Variants in BCAS4 observed in about 807,000 individuals in gnomAD.
BCAS4 encodes the protein breast carcinoma-amplified sequence 4.
A neutral mutation model predicts 15.7 loss-of-function variants in BCAS4; 9 were observed. The ratio of observed to expected loss-of-function variants is 0.57; its 90% CI spans 0.34 to 1.00. The LOEUF (loss-of-function observed/expected upper bound fraction) is 1.00, where lower values mean the gene tolerates loss of function less well. Among genes scored for constraint, BCAS4 ranks in the 50% least tolerant of loss-of-function variants. The pLI, the probability that BCAS4 is intolerant of heterozygous loss-of-function variation, is 0.02. For missense variants in BCAS4, 225 were observed against 239.1 expected (o/e 0.94, Z 0.39); for synonymous variants, 101 against 99.5 (o/e 1.02, Z -0.09).
intron 2 of BCAS4, among the ~76,000 whole-genome samples, chr20:50,829,980 C>T (rs1207788801): frequency 6.6e-6 from 1 of 152,160 alleles, no homozygotes; most frequent in Non-Finnish European, 1.5e-5. Context: ...CCATTCGCTC[C>T]AGTTCAGTGG....
chr20:50,795,098 C>G lies in BCAS4; in HGVS notation c.15C>G (p.Asp5Glu). 1 of 1,504,516 alleles carries G rather than the reference C, an allele frequency of 6.6e-7. No individual in the cohort carries two copies. The highest frequency in any genetic ancestry group is 8.9e-7 in the Non-Finnish European group (1 of 1,127,808). 93.2% of individuals were successfully genotyped at this position (1,504,516 alleles called of 1,614,324 possible). The change falls in exon 1 of 5, where the codon GAC (aspartate) becomes GAG (glutamate). Residue 5 changes from aspartate to glutamate, a missense_variant. Asp to Glu is a conservative substitution (Grantham distance 45, BLOSUM62 2). Coordinates refer to ENST00000371608, the MANE Select transcript of BCAS4 (RefSeq NM_198799.4). MLLVDADQPEPMRSG... is the reference protein window; with the variant it reads MLLVEADQPEPMRSG... Reference sequence around the variant, plus strand: ...TCGCCCTCCTGATGCTGCTCGTGGACGCTGATCAGCCGGAGCCCATGCGCA... The same window carrying G: ...TCGCCCTCCTGATGCTGCTCGTGGAGGCTGATCAGCCGGAGCCCATGCGCA...
At chr20:50,797,179 A>G (rs1347939656) in intron 1 of BCAS4, among the ~76,000 whole-genome samples, 2 of 152,160 alleles carry the variant, frequency 1.3e-5, no homozygotes, top group Non-Finnish European at 2.9e-5. Context: ...TGCTGCTGTA[A>G]TACTGTCCTG....
rs560485337 is a variant in BCAS4 at position 50,858,453 on chromosome 20, T to C, written c.399+16553T>C. Among the ~76,000 whole-genome samples the C allele has an allele frequency of 3.8e-3, 581 of 151,586 alleles. 9 individuals are homozygous for C. Among genetic ancestry groups the C allele is most frequent in the Non-Finnish European group, 2.3e-3 (155 of 67,894 alleles). ...CCTGTCTGTACTAAAAATAGAAAAA[T>C]TAGCCGGGCATGGTGGCAAGCGCCT... On this transcript the variant is annotated intron_variant, in intron 4 of 4. Transcript: ENST00000371608.
At chr20:50,859,036 C>G (rs149585722) in intron 4 of BCAS4, among the ~76,000 whole-genome samples, 11,913 of 151,848 alleles carry the variant, frequency 0.078, 799 homozygotes, top group East Asian at 0.21. Context: ...TGGGCTCAAG[C>G]AATCCTCCCA....
At chr20:50,831,794 G>A (rs1033396115) in intron 3 of BCAS4, among the ~76,000 whole-genome samples, 3 of 152,124 alleles carry the variant, frequency 2.0e-5, no homozygotes, top group South Asian at 2.1e-4. Flanking sequence ...AGGAGCTTGC[G>A]GTTGTGTCAT....
rs546645160 is a variant in BCAS4, at chr20:50,834,378, C to T, written c.264+3998C>T. On this transcript the variant is annotated intron_variant, in intron 3 of 4. Coordinates refer to ENST00000371608, the MANE Select transcript of BCAS4 (RefSeq NM_198799.4). Reference sequence around the variant, plus strand: ...TGGCGGAATCTTGGCTCACTGCAACCTCTGCCTCCCAGGTTCGAGCGATTC... The same window carrying T: ...TGGCGGAATCTTGGCTCACTGCAACTTCTGCCTCCCAGGTTCGAGCGATTC... 3.3e-5 allele frequency among the ~76,000 whole-genome samples: 5 copies of T among 149,890 alleles called. No homozygotes were observed. In the East Asian group the frequency reaches 9.9e-4, roughly 30 times the overall value.
At chr20:50,845,805 C>G (rs1349581615) in intron 4 of BCAS4, among the ~76,000 whole-genome samples, 1 of 152,220 alleles carries the variant, frequency 6.6e-6, no homozygotes, top group African/African-American at 2.4e-5. Flanking sequence ...ATTGGGTGGC[C>G]CCACGGGAAT....
chr20:50,811,041 T>C (rs1009934816), intron 1 of BCAS4, among the ~76,000 whole-genome samples: 9 of 152,122 alleles, frequency 5.9e-5, no homozygotes, highest in African/African-American at 2.2e-4. Context: ...GAGAGACAAC[T>C]TTCACCAGTA....
chr20:50,799,114 A>G (rs866622422), intron 1 of BCAS4, among the ~76,000 whole-genome samples: 3 of 152,092 alleles, frequency 2.0e-5, no homozygotes, highest in African/African-American at 4.8e-5. Context: ...TCCTGAGTGC[A>G]TTTCTTGTTC....
At chr20:50,833,868 C>G (rs953353367) in intron 3 of BCAS4, among the ~76,000 whole-genome samples, 8 of 152,148 alleles carry the variant, frequency 5.3e-5, no homozygotes, top group Admixed American at 5.2e-4. Context: ...GGTGGGTCAG[C>G]CGCAAGAGCA....
chr20:50,820,397 G>A (rs1301128469), intron 2 of BCAS4, among the ~76,000 whole-genome samples: 2 of 152,174 alleles, frequency 1.3e-5, no homozygotes, highest in African/African-American at 4.8e-5. Flanking sequence ...ATGAATCTGG[G>A]GCTGTAAGGA....
At position 50,876,111 on chromosome 20, in the gene BCAS4, C is replaced by T. The variant is rs537304778; in HGVS notation, c.400-375C>T. The T allele has an allele frequency of 8.0e-5, 34 of 425,146 alleles. No homozygotes were observed. In the East Asian group the frequency reaches 1.7e-3, roughly 21 times the overall value. The allele number at this position is 425,146 out of a possible 1,614,324, so 26.3% of individuals were successfully genotyped here. A position where few individuals can be genotyped will look rare whatever the true frequency, so the allele number is the denominator to read the frequency against. On this transcript the variant is annotated intron_variant, in intron 4 of 4. Transcript: ENST00000371608. ...GATTACAGGTGCGCGCTACCATGCC[C>T]GGCTAATTTCTGTATTTTTAGTAGA... is the stretch of plus-strand genomic sequence containing the variant.
intron 4 of BCAS4, among the ~76,000 whole-genome samples, chr20:50,847,920 C>G (rs1018301603): frequency 6.6e-6 from 1 of 152,002 alleles, no homozygotes; most frequent in African/African-American, 2.4e-5. Context: ...TGGTGCATGC[C>G]TGTATTCCCA....
At chr20:50,796,481 A>G (rs1345576200) in intron 1 of BCAS4, among the ~76,000 whole-genome samples, 1 of 11,562 alleles carries the variant, frequency 8.6e-5, no homozygotes, top group African/African-American at 3.6e-4. Flanking sequence ...ATATATATAT[A>G]TATATATTTT....
At chr20:50,864,323 G>C (rs1256438339) in intron 4 of BCAS4, among the ~76,000 whole-genome samples, 1 of 152,014 alleles carries the variant, frequency 6.6e-6, no homozygotes, top group Non-Finnish European at 1.5e-5. Flanking sequence ...CTGAGTCTTA[G>C]TTTCCATGGC....
chr20:50,802,124 C>G (rs2087934904), intron 1 of BCAS4, among the ~76,000 whole-genome samples: 1 of 152,020 alleles, frequency 6.6e-6, no homozygotes, highest in African/African-American at 2.4e-5. Flanking sequence ...CGCTTGAGTG[C>G]AGAAGTTTGA....
At chr20:50,820,190 G>A (rs868370281) in intron 2 of BCAS4, among the ~76,000 whole-genome samples, 1 of 152,192 alleles carries the variant, frequency 6.6e-6, no homozygotes, top group South Asian at 2.1e-4. Context: ...ATAAACTTGA[G>A]TATGCAAAGA....
At chr20:50,849,855 A>T (rs1010397183) in intron 4 of BCAS4, among the ~76,000 whole-genome samples, 3 of 152,218 alleles carry the variant, frequency 2.0e-5, no homozygotes, top group Admixed American at 2.0e-4. Context: ...TGGCTGGAGC[A>T]GTGGCTCACA....
At chr20:50,834,487 G>T (rs2088383435) in intron 3 of BCAS4, among the ~76,000 whole-genome samples, 3 of 151,440 alleles carry the variant, frequency 2.0e-5, no homozygotes, top group East Asian at 1.9e-4. Flanking sequence ...TAGAGACAGG[G>T]TTTCACCATG....
Sources: gnomAD v4.1 joint callset for allele counts (sites outside exome capture counted in the v4.1 genomes callset) on GRCh38, gnomAD v4.1.1 for gene constraint, MANE v1.5 for transcripts, NCBI Gene and HGNC (gene_info 2026-07-23, HGNC 2026-07-21) for gene names.